SERPINB7: variants seen among roughly 807,000 people sequenced by gnomAD.
SERPINB7 encodes the protein serpin B7.
A neutral mutation model predicts 37.4 loss-of-function variants in SERPINB7; 31 were observed. That is an observed-to-expected ratio of 0.83 (90% CI 0.62 to 1.12). The LOEUF (loss-of-function observed/expected upper bound fraction) is 1.12, where lower values mean the gene tolerates loss of function less well. SERPINB7 is among the 50% of genes most tolerant of loss of function. SERPINB7 has a pLI of 0.00. For synonymous variants in SERPINB7, 163 were observed against 166.1 expected (o/e 0.98, Z 0.14); for missense variants, 521 against 455.3 (o/e 1.14, Z -1.31).
intron 2 of SERPINB7, among the ~76,000 whole-genome samples, chr18:63,790,176 A>G (rs551408692): frequency 1.1e-4 from 16 of 152,200 alleles, no homozygotes; most frequent in Non-Finnish European, 1.6e-4. Flanking sequence ...TTCCAGTTTT[A>G]TTATATTATG....
At chr18:63,779,219 T>C (rs1599000639) in intron 1 of SERPINB7, among the ~76,000 whole-genome samples, 1 of 152,158 alleles carries the variant, frequency 6.6e-6, no homozygotes, top group Non-Finnish European at 1.5e-5. Flanking sequence ...TAATGTTTTA[T>C]CTATTTAAGT....
chr18:63,782,321 C>A (rs1022835890), intron 1 of SERPINB7, 34 bp from the exon 2 acceptor site: 8 of 1,249,274 alleles, frequency 6.4e-6, no homozygotes, highest in South Asian at 2.3e-5. Context: ...GAAAATGTAC[C>A]GGGAACTAAT....
chr18:63,766,239 C>G (rs1328436182), intron 1 of SERPINB7, among the ~76,000 whole-genome samples: 1 of 152,164 alleles, frequency 6.6e-6, no homozygotes, highest in Non-Finnish European at 1.5e-5. Context: ...TGTTTTTAAA[C>G]TGGGCACAAT....
chr18:63,789,559 C>A (rs990799453), intron 2 of SERPINB7, among the ~76,000 whole-genome samples: 1 of 151,998 alleles, frequency 6.6e-6, no homozygotes, highest in East Asian at 1.9e-4. Flanking sequence ...CCAATGAAGT[C>A]GCAGCTGCAA....
chr18:63,754,800 C>A (rs1200636537), intron 1 of SERPINB7, among the ~76,000 whole-genome samples: 1 of 146,180 alleles, frequency 6.8e-6, no homozygotes, highest in Admixed American at 6.8e-5. Flanking sequence ...AAATTTATTT[C>A]TAGATCACGG....
chr18:63,784,554 T>C (rs1203665739), intron 2 of SERPINB7, among the ~76,000 whole-genome samples: 2 of 152,128 alleles, frequency 1.3e-5, no homozygotes, highest in Non-Finnish European at 2.9e-5. Context: ...ATTCAACAAA[T>C]AAAAATTTAT....
intron 7 of SERPINB7, among the ~76,000 whole-genome samples, chr18:63,802,933 C>T (rs1232395147): frequency 6.6e-6 from 1 of 152,064 alleles, no homozygotes; most frequent in African/African-American, 2.4e-5. Flanking sequence ...TAAAGTATGA[C>T]CATATAAAAT....
chr18:63,777,478 T>C (rs897204749), intron 1 of SERPINB7, among the ~76,000 whole-genome samples: 3 of 152,080 alleles, frequency 2.0e-5, no homozygotes, highest in Non-Finnish European at 4.4e-5. Context: ...ATGTAAGAAG[T>C]GCCAGTTGTG....
intron 1 of SERPINB7, among the ~76,000 whole-genome samples, chr18:63,761,023 C>T (rs2049150591): frequency 6.6e-6 from 1 of 152,190 alleles, no homozygotes; most frequent in Admixed American, 6.5e-5. Context: ...CCTTCAGACC[C>T]CAGAATGGGA....
chr18:63,775,175 T>A (rs2049236000), upstream of SERPINB7, among the ~76,000 whole-genome samples: 1 of 152,146 alleles, frequency 6.6e-6, no homozygotes, highest in African/African-American at 2.4e-5. Context: ...GGCTGACAGA[T>A]ACTGTTGATT....
intron 1 of SERPINB7, among the ~76,000 whole-genome samples, chr18:63,781,650 T>C (rs961463524): frequency 3.3e-5 from 5 of 152,200 alleles, no homozygotes; most frequent in African/African-American, 1.2e-4. Flanking sequence ...AACAACATCA[T>C]GAATTTGAAG....
intron 1 of SERPINB7, among the ~76,000 whole-genome samples, chr18:63,767,306 G>A (rs1046123031): frequency 6.6e-6 from 1 of 152,150 alleles, no homozygotes; most frequent in Non-Finnish European, 1.5e-5. Context: ...GAGTTCTGGG[G>A]TGGGCTAAGT....
chr18:63,759,226 A>C (rs1429921584), intron 1 of SERPINB7, among the ~76,000 whole-genome samples: 2 of 151,574 alleles, frequency 1.3e-5, no homozygotes, highest in African/African-American at 2.4e-5. Flanking sequence ...GTGTTTTTCC[A>C]AGTGATTTGT....
chr18:63,798,705 A>C lies in SERPINB7; in HGVS notation c.556A>C (p.Thr186Pro), dbSNP rs771370022. Residue 186 changes from threonine to proline, a missense_variant, in exon 6 of 8, where the codon ACC becomes CCC. Transcript: ENST00000398019. ...CAAAGGCAAGTGGCAATCAGCCTTCACCAAGAGCGAAACCATAAATTGCCA... is the reference window on the plus strand; with the variant it reads ...CAAAGGCAAGTGGCAATCAGCCTTCCCCAAGAGCGAAACCATAAATTGCCA... ...YFKGKWQSAFTKSETINCHFK... is the reference protein window; with the variant it reads ...YFKGKWQSAFPKSETINCHFK... 6.2e-7 allele frequency: 1 copy of C among 1,613,406 alleles called. No individual in the cohort carries two copies. The highest frequency in any genetic ancestry group is 2.2e-5 in the East Asian group (1 of 44,822).
At chr18:63,801,464 C>A (rs912952863) in intron 7 of SERPINB7, among the ~76,000 whole-genome samples, 6 of 152,266 alleles carry the variant, frequency 3.9e-5, no homozygotes, top group Admixed American at 3.9e-4. Context: ...GCTGCACAGA[C>A]AAAATCAATT....
At chr18:63,777,713 T>C (rs980943846) in intron 1 of SERPINB7, 1 of 147,462 alleles carries the variant, frequency 6.8e-6, no homozygotes, top group Non-Finnish European at 1.5e-5. Context: ...ATGGCCATCA[T>C]AAAAAAAAAA....
At position 63,804,387 on chromosome 18, in the gene SERPINB7, A is replaced by G. The variant is rs755404145; in HGVS notation, c.895A>G (p.Ile299Val). The change falls in exon 8 of 8, where the codon ATC (isoleucine) becomes GTC (valine). Residue 299 changes from isoleucine to valine, a missense_variant. Ile to Val is a conservative substitution (Grantham distance 29). Transcript: ENST00000398019. Reference protein sequence around the residue: ...QYLRALGLKDIFDESKADLSG... With the variant: ...QYLRALGLKDVFDESKADLSG... ...TTTGAGAGCCCTAGGGCTGAAAGATATCTTTGATGAATCCAAAGCAGATCT... is the reference window on the plus strand; with the variant it reads ...TTTGAGAGCCCTAGGGCTGAAAGATGTCTTTGATGAATCCAAAGCAGATCT... 8 of 1,613,832 alleles carry G rather than the reference A, an allele frequency of 5.0e-6. No homozygotes were observed. The highest frequency in any genetic ancestry group is 1.3e-5 in the African/African-American group (1 of 75,028).
chr18:63,786,027 C>CGTATATATACACATATATAATATAA lies in SERPINB7; in HGVS notation c.168+3506_168+3507insATATAAGTATATATACACATATATA, dbSNP rs1568209278. ...CGTATATATACACATATATAATATA[C>CGTATATATACACATATATAATATAA]GTATATATACACATATATATAATAT... On this transcript the variant is annotated intron_variant, in intron 2 of 7. Transcript: ENST00000398019. Among the ~76,000 whole-genome samples, 8 of 115,840 alleles carry CGTATATATACACATATATAATATAA rather than the reference C, an allele frequency of 6.9e-5. 1 individual carries two copies. Among genetic ancestry groups the CGTATATATACACATATATAATATAA allele is most frequent in the African/African-American group, 2.6e-4 (8 of 31,146 alleles). 76.0% of individuals were successfully genotyped at this position (115,840 alleles called of 152,430 possible).
chr18:63,788,970 C>T (rs1176630446), intron 2 of SERPINB7, among the ~76,000 whole-genome samples: 1 of 152,110 alleles, frequency 6.6e-6, no homozygotes, highest in Non-Finnish European at 1.5e-5. Context: ...ATACATTTCT[C>T]AGAAAGAATC....
Sources: gnomAD v4.1 joint callset for allele counts (sites outside exome capture counted in the v4.1 genomes callset) on GRCh38, gnomAD v4.1.1 for gene constraint, MANE v1.5 for transcripts, NCBI Gene and HGNC (gene_info 2026-07-23, HGNC 2026-07-21) for gene names.